The following SYN3 variants were observed in gnomAD, a reference collection of about 807,000 sequenced individuals.
SYN3 encodes synapsin III, also known as synapsin-3.
Under a neutral mutation model 65.8 loss-of-function variants are expected in SYN3, and 35 were observed. The ratio of observed to expected loss-of-function variants is 0.53; its 90% CI spans 0.41 to 0.70. SYN3 has a LOEUF of 0.70. SYN3 is among the 30% of genes least tolerant of loss of function. The probability of loss-of-function intolerance (pLI) is 0.00; values close to 1 mark genes in which losing one functional copy is unlikely to be tolerated. For synonymous variants in SYN3, 270 were observed against 292.9 expected, an observed-to-expected ratio of 0.92 and a Z score of 0.80; for missense variants, 680 against 749.0, an observed-to-expected ratio of 0.91 and a Z score of 1.08.
At chr22:32,598,853 T>C (rs539705450) in intron 6 of SYN3, among the ~76,000 whole-genome samples, 1 of 151,982 alleles carries the variant, frequency 6.6e-6, no homozygotes, top group Non-Finnish European at 1.5e-5. Context: ...GGTGAATACA[T>C]ACATGTTAAA....
rs1767722331 is a variant in SYN3 at position 32,770,462 on chromosome 22, G to C, written c.711+94453C>G. Among the ~76,000 whole-genome samples, 5 of 152,136 alleles carry C rather than the reference G, an allele frequency of 3.3e-5. No individual in the cohort carries two copies. The South Asian group carries it at 1.0e-3, about 32-fold the overall frequency. ...CATAACATCTCTACCCTCATCTTCT[G>C]CCTCTCCTCGTCACTCTCTCTGCTC... On this transcript the variant is annotated intron_variant, in intron 6 of 13. Transcript: ENST00000358763.
chr22:32,892,444 G>C (rs1462860967), intron 4 of SYN3, among the ~76,000 whole-genome samples: 1 of 152,196 alleles, frequency 6.6e-6, no homozygotes, highest in Non-Finnish European at 1.5e-5. Context: ...GGTTTTGTAG[G>C]ATAGTGTGGG....
At chr22:32,698,568 A>G (rs1319585741) in intron 6 of SYN3, among the ~76,000 whole-genome samples, 1 of 152,228 alleles carries the variant, frequency 6.6e-6, no homozygotes, top group African/African-American at 2.4e-5. Flanking sequence ...CTACCTCCTT[A>G]AAAGCTAGTG....
At chr22:32,662,473 T>C (rs1475691797) in intron 6 of SYN3, among the ~76,000 whole-genome samples, 2 of 152,360 alleles carry the variant, frequency 1.3e-5, no homozygotes, top group East Asian at 3.9e-4. Flanking sequence ...CAAGTAACTA[T>C]GGGACCAATA....
intron 6 of SYN3, among the ~76,000 whole-genome samples, chr22:32,698,181 G>A (rs1406385948): frequency 2.6e-5 from 4 of 152,178 alleles, no homozygotes; most frequent in Admixed American, 2.6e-4. Context: ...AAGTTCTGAA[G>A]TATATAGAAC....
chr22:32,993,863 C>T (rs765155857), intron 2 of SYN3, among the ~76,000 whole-genome samples: 5 of 152,244 alleles, frequency 3.3e-5, no homozygotes, highest in East Asian at 1.9e-4. Context: ...AGAAAGGCAG[C>T]CAAGAAGAGA....
intron 1 of SYN3, among the ~76,000 whole-genome samples, chr22:33,023,442 C>T (rs542740557): frequency 9.8e-5 from 15 of 152,314 alleles, no homozygotes; most frequent in Non-Finnish European, 2.1e-4. Flanking sequence ...GTGAGGCCTC[C>T]CCAGCCATGT....
At chr22:32,750,592 T>A (rs2045087742) in intron 6 of SYN3, among the ~76,000 whole-genome samples, 1 of 151,836 alleles carries the variant, frequency 6.6e-6, no homozygotes. Context: ...GGTGGAGTGC[T>A]AGAAGGGTGA....
chr22:32,588,807 G>T (rs1382197350), intron 7 of SYN3, among the ~76,000 whole-genome samples: 2 of 152,072 alleles, frequency 1.3e-5, no homozygotes, highest in Non-Finnish European at 2.9e-5. Context: ...CTAATTCTAC[G>T]ATGGAAACGC....
intron 5 of SYN3, among the ~76,000 whole-genome samples, chr22:32,867,194 C>T (rs2048710024): frequency 1.3e-5 from 2 of 152,214 alleles, no homozygotes; most frequent in Admixed American, 1.3e-4. Context: ...CAGCTATGAG[C>T]TTCATAGAGC....
chr22:32,795,078 G>A (rs548801725), intron 6 of SYN3, among the ~76,000 whole-genome samples: 55 of 152,342 alleles, frequency 3.6e-4, no homozygotes, highest in African/African-American at 8.4e-4. Flanking sequence ...GCTGTGGACC[G>A]TGGGGCCCTG....
At chr22:32,565,871 C>A (rs1601648159) in intron 7 of SYN3, among the ~76,000 whole-genome samples, 1 of 152,046 alleles carries the variant, frequency 6.6e-6, no homozygotes, top group Admixed American at 6.6e-5. Context: ...CACCACCACG[C>A]CCAGCTAATT....
At position 33,000,868 on chromosome 22, in the gene SYN3, C is replaced by T. The variant is rs73162046; in HGVS notation, c.311+5484G>A. ...GCAGAACCACCCAGGCATTGTGGGG[C>T]TGCCCTGCCACCTGCTGGCCGCTCC... is the stretch of plus-strand genomic sequence containing the variant. On this transcript the variant is annotated intron_variant, in intron 2 of 13. Transcript: ENST00000358763. Among the ~76,000 whole-genome samples the T allele has an allele frequency of 5.8e-3, 881 of 152,304 alleles. 7 individuals carry two copies. The highest frequency in any genetic ancestry group is 0.028 in the South Asian group (135 of 4,812).
intron 6 of SYN3, among the ~76,000 whole-genome samples, chr22:32,700,229 G>A (rs1210819061): frequency 6.6e-6 from 1 of 152,178 alleles, no homozygotes; most frequent in African/African-American, 2.4e-5. Context: ...TTAAGCTCAT[G>A]TGAAGTCTGT....
chr22:32,802,141 C>A, intron 6 of SYN3: 1 of 1,573,296 alleles, frequency 6.4e-7, no homozygotes, highest in East Asian at 2.3e-5. Context: ...TCCTGGTGCC[C>A]CGCCCGAGCC....
chr22:32,673,730 T>C (rs1165310192), intron 6 of SYN3, among the ~76,000 whole-genome samples: 1 of 152,198 alleles, frequency 6.6e-6, no homozygotes, highest in Non-Finnish European at 1.5e-5. Flanking sequence ...GATTTGTACG[T>C]GCAAAGGCTT....
At chr22:32,660,358 G>A (rs1017620920) in intron 6 of SYN3, among the ~76,000 whole-genome samples, 4 of 152,326 alleles carry the variant, frequency 2.6e-5, no homozygotes, top group South Asian at 2.1e-4. Flanking sequence ...AGGTCAGTGC[G>A]TCTCTGACAC....
At chr22:32,946,899 G>C (rs955177184) in intron 3 of SYN3, among the ~76,000 whole-genome samples, 7 of 152,144 alleles carry the variant, frequency 4.6e-5, no homozygotes, top group African/African-American at 1.2e-4. Flanking sequence ...CTATATATAG[G>C]CACAGACAGA....
intron 6 of SYN3, among the ~76,000 whole-genome samples, chr22:32,689,012 T>C (rs2060628974): frequency 6.6e-6 from 1 of 152,222 alleles, no homozygotes; most frequent in African/African-American, 2.4e-5. Flanking sequence ...GGAATAATCA[T>C]ATGTATCTTT....
Sources: allele counts gnomAD v4.1 joint callset (sites outside exome capture counted in the v4.1 genomes callset), GRCh38; gene constraint gnomAD v4.1.1; transcripts MANE v1.5; gene names NCBI Gene and HGNC (gene_info 2026-07-23, HGNC 2026-07-21).